The following EEF1B2 variants were observed in gnomAD, a reference collection of about 807,000 sequenced individuals.
EEF1B2 encodes eukaryotic translation elongation factor 1 beta 2, also known as elongation factor 1-beta.
A neutral mutation model predicts 28.3 loss-of-function variants in EEF1B2; 12 were observed. The ratio of observed to expected loss-of-function variants is 0.42; its 90% confidence interval spans 0.27 to 0.69. The LOEUF (loss-of-function observed/expected upper bound fraction) is 0.69. EEF1B2 is among the 30% of genes least tolerant of loss of function. EEF1B2 has a pLI of 0.22. For synonymous variants in EEF1B2, 83 were observed against 99.9 expected, an observed-to-expected ratio of 0.83 and a Z score of 1.01; for missense variants, 234 against 272.6, an observed-to-expected ratio of 0.86 and a Z score of 1.00.
At chr2:206,162,679 C>A (rs1475827663) in intron 5 of EEF1B2, 50 bp from the exon 6 acceptor site, 1 of 1,562,420 alleles carries the variant, frequency 6.4e-7, no homozygotes, top group African/African-American at 1.9e-5. Flanking sequence ...CAGTTTCAAC[C>A]TTTCCTACAA....
chr2:206,160,429 A>G (rs1254088402), intron 1 of EEF1B2, 159 bp from the exon 2 acceptor site: 1 of 1,318,370 alleles, frequency 7.6e-7, no homozygotes, highest in Non-Finnish European at 1.0e-6. Context: ...ACCCAAACAT[A>G]TGGTTTGATT....
intron 1 of EEF1B2, 46 bp downstream of exon 1, chr2:206,160,105 CGGGGCCG>C: frequency 6.3e-7 from 1 of 1,589,026 alleles, no homozygotes; most frequent in Non-Finnish European, 8.6e-7. Flanking sequence ...TTTCTCCGCC[CGGGGCCG>C]GGGCCACGTG....
chr2:206,160,805 T>C, intron 2 of EEF1B2, 95 bp downstream of exon 2: 1 of 1,595,210 alleles, frequency 6.3e-7, no homozygotes. Flanking sequence ...CTACTTTAGT[T>C]TTGTTGGGAT....
chr2:206,161,938 CT>C (rs748814723), intron 3 of EEF1B2, 99 bp from the exon 4 acceptor site: 23 of 1,024,308 alleles, frequency 2.2e-5, no homozygotes, highest in Non-Finnish European at 3.3e-5. Flanking sequence ...GATGGATTTG[CT>C]TTTTTCTGAT....
chr2:206,161,246 G>A, intron 2 of EEF1B2, 100 bp from the exon 3 acceptor site: 1 of 1,521,838 alleles, frequency 6.6e-7, no homozygotes, highest in Non-Finnish European at 8.9e-7. Flanking sequence ...ATTGCAAAAG[G>A]GATCTAGTGA....
chr2:206,161,306 A>T (rs527974062), intron 2 of EEF1B2, 40 bp from the exon 3 acceptor site: 36 of 1,610,242 alleles, frequency 2.2e-5, no homozygotes, highest in Non-Finnish European at 3.0e-5. Flanking sequence ...AAAGGATGTT[A>T]TACTAGCTCA....
chr2:206,160,806 T>G, intron 2 of EEF1B2, 96 bp downstream of exon 2: 1 of 1,595,280 alleles, frequency 6.3e-7, no homozygotes, highest in Non-Finnish European at 8.6e-7. Context: ...TACTTTAGTT[T>G]TGTTGGGATA....
At chr2:206,161,764 GTC>G in intron 3 of EEF1B2, 1 of 481,400 alleles carries the variant, frequency 2.1e-6, no homozygotes, top group Non-Finnish European at 3.6e-6. Flanking sequence ...GCGAGACTCC[GTC>G]CCAAAAAAAA....
intron 1 of EEF1B2, 49 bp downstream of exon 1, chr2:206,160,108 G>T: frequency 6.3e-7 from 1 of 1,592,602 alleles, no homozygotes; most frequent in Non-Finnish European, 8.6e-7. Context: ...CTCCGCCCGG[G>T]GCCGGGGCCA....
chr2:206,160,077 G>A lies in EEF1B2; in HGVS notation c.80+18G>A, dbSNP rs752689274. The A allele has an allele frequency of 5.0e-6, 8 of 1,609,362 alleles. No homozygotes were observed. The highest frequency in any genetic ancestry group is 6.8e-6 in the Non-Finnish European group (8 of 1,178,012). On this transcript the variant is annotated intron_variant, in intron 1 of 5. Coordinates refer to ENST00000392222, the MANE Select transcript of EEF1B2 (RefSeq NM_001959.4). ...ATCGAGGGGTGAGCGGACGGGCTGA[G>A]TCGGGGTGGCGGGGAGGTTTCTCCG... is the stretch of plus-strand genomic sequence containing the variant.
chr2:206,160,916 T>C (rs1305504689), intron 2 of EEF1B2: 4 of 815,750 alleles, frequency 4.9e-6, no homozygotes, highest in Non-Finnish European at 8.1e-6. Flanking sequence ...AATTCAACTT[T>C]TCCCCACACT....
At chr2:206,159,614 C>G (rs754423321), upstream of EEF1B2, 7 of 228,430 alleles carry the variant, frequency 3.1e-5, no homozygotes, top group Non-Finnish European at 6.1e-5. Context: ...GCCCCAGCCT[C>G]GAGGCCGGGC....
chr2:206,160,601 C>A lies in EEF1B2; in HGVS notation c.94C>A (p.Gln32Lys), dbSNP rs748652448. The A allele has an allele frequency of 2.5e-6, 4 of 1,613,916 alleles. No individual in the cohort carries two copies. Among genetic ancestry groups the A allele is most frequent in the Non-Finnish European group, 3.4e-6 (4 of 1,180,030 alleles). Reference sequence around the variant, plus strand: ...TGTCCTTGGCAGGTATGTGCCATCACAAGCAGATGTGGCAGTATTTGAAGC... The same window carrying A: ...TGTCCTTGGCAGGTATGTGCCATCAAAAGCAGATGTGGCAGTATTTGAAGC... ...KSYIEGYVPS[Q>K]ADVAVFEAVS... The change falls in exon 2 of 6, where the codon CAA (glutamine) becomes AAA (lysine). Residue 32 changes from glutamine to lysine, a missense_variant. Physicochemically the swap from Gln to Lys is moderately conservative, Grantham distance 53. This residue lies in a region of EEF1B2 where 178 missense variants were observed against 173.3 expected (regional missense o/e 1.03). Coordinates refer to ENST00000392222, the MANE Select transcript of EEF1B2 (RefSeq NM_001959.4).
At chr2:206,159,884 T>G, upstream of EEF1B2, 2 of 1,410,344 alleles carry the variant, frequency 1.4e-6, no homozygotes, top group Non-Finnish European at 1.9e-6. Context: ...AATTTTCCGG[T>G]CTCTTCGGGT....
At chr2:206,160,470 A>G in intron 1 of EEF1B2, 118 bp from the exon 2 acceptor site, 1 of 1,540,966 alleles carries the variant, frequency 6.5e-7, no homozygotes. Context: ...GAAAAGCATT[A>G]AAGCAACCCT....
chr2:206,162,229 T>C (rs1559074115), intron 4 of EEF1B2, 125 bp downstream of exon 4: 2 of 1,125,406 alleles, frequency 1.8e-6, no homozygotes, highest in South Asian at 1.2e-5. Context: ...TACAGGTTCT[T>C]CCACAGCTAC....
chr2:206,161,838 G>A, intron 3 of EEF1B2, 200 bp from the exon 4 acceptor site: 1 of 735,162 alleles, frequency 1.4e-6, no homozygotes, highest in Non-Finnish European at 2.5e-6. Context: ...GCCTGGATTT[G>A]AATCCTGGCT....
intron 2 of EEF1B2, chr2:206,160,937 T>C (rs1687910323): frequency 1.3e-6 from 1 of 756,838 alleles, no homozygotes. Context: ...GCCCTGCCAA[T>C]GTGCCTCGAC....
intron 1 of EEF1B2, 135 bp downstream of exon 1, chr2:206,160,194 G>A: frequency 8.5e-7 from 1 of 1,171,240 alleles, no homozygotes; most frequent in South Asian, 1.5e-5. Context: ...AGGGGAAAGC[G>A]CCCCGTTGCC....
Sources: gnomAD v4.1 joint callset for allele counts on GRCh38, gnomAD v4.1.1 for gene constraint, gnomAD v4.1.1 regional missense constraint, MANE v1.5 for transcripts, NCBI Gene and HGNC (gene_info 2026-07-23, HGNC 2026-07-21) for gene names.